Variants in ZER1 observed in about 807,000 individuals in gnomAD.
The protein encoded by ZER1 is protein zer-1 homolog.
ZER1 carries 11 observed loss-of-function variants against 78.8 expected under a neutral mutation model. The ratio of observed to expected loss-of-function variants is 0.14; its 90% CI spans 0.09 to 0.23. The LOEUF (loss-of-function observed/expected upper bound fraction) is 0.23. Among genes scored for constraint, ZER1 ranks in the 10% least tolerant of loss-of-function variants. The pLI is 1.00. For synonymous variants in ZER1, 400 were observed against 407.0 expected, an observed-to-expected ratio of 0.98 and a Z score of 0.21; for missense variants, 588 against 996.9, an observed-to-expected ratio of 0.59 and a Z score of 5.52.
At chr9:128,744,614 G>A (rs557017561) in intron 8 of ZER1, among the ~76,000 whole-genome samples, 3 of 151,944 alleles carry the variant, frequency 2.0e-5, no homozygotes, top group Non-Finnish European at 2.9e-5. Context: ...AAGTAGCTGC[G>A]ATTACAGGCT....
intron 4 of ZER1, 45 bp from the exon 5 acceptor site, chr9:128,752,894 G>T: frequency 1.3e-6 from 2 of 1,580,908 alleles, no homozygotes; most frequent in East Asian, 4.5e-5. Context: ...TGGGTACAGG[G>T]TGGGGCTGCC....
At chr9:128,764,611 G>C (rs1158147562) in intron 1 of ZER1, among the ~76,000 whole-genome samples, 1 of 152,200 alleles carries the variant, frequency 6.6e-6, no homozygotes, top group Non-Finnish European at 1.5e-5. Context: ...GGAAGAGGAA[G>C]CAGCCATCTT....
At chr9:128,763,060 G>A (rs1168490888) in intron 1 of ZER1, among the ~76,000 whole-genome samples, 1 of 152,156 alleles carries the variant, frequency 6.6e-6, no homozygotes, top group Non-Finnish European at 1.5e-5. Context: ...CTCGGCACAG[G>A]TCACCTTCAG....
intron 13 of ZER1, 43 bp downstream of exon 13, chr9:128,739,888 C>A: frequency 1.3e-6 from 2 of 1,579,308 alleles, no homozygotes; most frequent in South Asian, 1.1e-5. Context: ...CAGCACTTAC[C>A]CCATATTCCA....
At chr9:128,747,525 G>A (rs1284527594) in intron 8 of ZER1, among the ~76,000 whole-genome samples, 2 of 152,190 alleles carry the variant, frequency 1.3e-5, no homozygotes, top group Non-Finnish European at 1.5e-5. Context: ...AGGAGGAGAG[G>A]TGAGATTGTA....
chr9:128,769,574 C>T (rs944255197), intron 1 of ZER1, among the ~76,000 whole-genome samples: 15 of 152,080 alleles, frequency 9.9e-5, no homozygotes, highest in East Asian at 3.9e-4. Flanking sequence ...TCACCACACC[C>T]GGCTAATTTT....
chr9:128,755,812 C>T lies in ZER1; in HGVS notation c.-94-153G>A, dbSNP rs932760848. On this transcript the variant is annotated intron_variant, in intron 1 of 15. Transcript: ENST00000291900. This position sits in a 1 kb window ranked among gnomAD's most constrained non-coding sequence, Gnocchi z 5.6. Reference sequence around the variant, plus strand: ...AGGTCTCCTGACTCCTTCTTTCACCCGCCTCTGCTGTGCCACTATCTATGC... The same window carrying T: ...AGGTCTCCTGACTCCTTCTTTCACCTGCCTCTGCTGTGCCACTATCTATGC... Among the ~76,000 whole-genome samples the T allele has an allele frequency of 5.3e-5, 8 of 152,246 alleles. No homozygotes were observed. Among genetic ancestry groups the T allele is most frequent in the Admixed American group, 2.6e-4 (4 of 15,278 alleles).
chr9:128,757,031 G>C (rs1285496898), intron 1 of ZER1, among the ~76,000 whole-genome samples: 2 of 152,120 alleles, frequency 1.3e-5, no homozygotes, highest in East Asian at 3.8e-4. Context: ...CCAAAGCAAA[G>C]AAACTTCTGT....
At chr9:128,761,605 T>TG in intron 1 of ZER1, among the ~76,000 whole-genome samples, 1 of 137,198 alleles carries the variant, frequency 7.3e-6, no homozygotes, top group East Asian at 2.2e-4. Flanking sequence ...CATAATTTGT[T>TG]TTTTTTTTTT....
chr9:128,735,562 G>T, intron 13 of ZER1, 131 bp from the exon 14 acceptor site: 1 of 849,480 alleles, frequency 1.2e-6, no homozygotes, highest in South Asian at 1.7e-5. Flanking sequence ...CCAGGGAGAA[G>T]GGACAGCTGG....
chr9:128,755,657 T>C lies in ZER1; in HGVS notation c.-92A>G. On this transcript the variant is annotated splice_region_variant and 5_prime_UTR_variant, in exon 2 of 16. Transcript: ENST00000291900. This position sits in a 1 kb window ranked among gnomAD's most constrained non-coding sequence, Gnocchi z 5.6. ...CTCACAGGATCATTGGCAGAGCCAC[T>C]GCCTGGGGAGTGGACAAGATGCCAA... The C allele has an allele frequency of 2.0e-6, 3 of 1,519,138 alleles. No individual in the cohort carries two copies. The highest frequency in any genetic ancestry group is 4.7e-5 in the East Asian group (2 of 42,574). 94.1% of individuals were successfully genotyped at this position (1,519,138 alleles called of 1,614,324 possible).
In ZER1 at chr9:128,731,929, G is replaced by A. The variant is rs74861395; in HGVS notation, c.2244-535C>T. 1.6e-3 allele frequency among the ~76,000 whole-genome samples: 248 copies of A among 152,316 alleles called. 1 individual carries two copies. Among genetic ancestry groups the A allele is most frequent in the African/African-American group, 5.6e-3 (231 of 41,580 alleles). On this transcript the variant is annotated intron_variant, in intron 15 of 15. Coordinates refer to ENST00000291900, the MANE Select transcript of ZER1 (RefSeq NM_006336.4). ...GGCTCAGCACTCCAGCTCAGATTTC[G>A]AGTCTCGCCCGCCCCAGCCTGACCC...
intron 13 of ZER1, among the ~76,000 whole-genome samples, chr9:128,739,562 C>T (rs1457049784): frequency 6.6e-6 from 1 of 151,888 alleles, no homozygotes; most frequent in Admixed American, 6.6e-5. Context: ...CCTGTCTCAG[C>T]TTCCCAAAGT....
chr9:128,741,784 TG>T lies in ZER1; in HGVS notation c.1617+15del. 1 of 1,614,162 alleles carries T rather than the reference TG, an allele frequency of 6.2e-7. No homozygotes were observed. The highest frequency in any genetic ancestry group is 8.5e-7 in the Non-Finnish European group (1 of 1,180,028). Reference sequence around the variant, plus strand: ...GTGGGGAAAGGGTAGCGTGGCTTCGTGAAGACTTGACTTACTGTCTTGTCCA... The same window carrying T: ...GTGGGGAAAGGGTAGCGTGGCTTCGTAAGACTTGACTTACTGTCTTGTCCA... On this transcript the variant is annotated intron_variant, in intron 10 of 15. Transcript: ENST00000291900.
chr9:128,766,845 CAA>C (rs1176953959), intron 1 of ZER1, among the ~76,000 whole-genome samples: 1 of 49,652 alleles, frequency 2.0e-5, no homozygotes, highest in African/African-American at 9.2e-5. Context: ...GATTCCGTCT[CAA>C]AAAAAAAAAA....
At chr9:128,756,876 T>C (rs1863876187) in intron 1 of ZER1, among the ~76,000 whole-genome samples, 1 of 152,204 alleles carries the variant, frequency 6.6e-6, no homozygotes, top group East Asian at 1.9e-4. Context: ...TTGTGTGACA[T>C]GTGAATTATA....
rs1452392954 is a variant in ZER1 at position 128,751,543 on chromosome 9, G to T, written c.924-16C>A. 3 of 1,608,430 alleles carry T rather than the reference G, an allele frequency of 1.9e-6. No homozygotes were observed. Among genetic ancestry groups the T allele is most frequent in the South Asian group, 2.2e-5 (2 of 91,032 alleles). On this transcript the variant is annotated splice_polypyrimidine_tract_variant and intron_variant, in intron 5 of 15. Transcript: ENST00000291900. The surrounding 1 kb of genome is among the most constrained non-coding windows in gnomAD (Gnocchi z 5.4). Reference sequence around the variant, plus strand: ...AGGCTCAATGCTGGGGAAAGAGGGTGCCGGTGTCAGTGGCTTGGGACCCAG... The same window carrying T: ...AGGCTCAATGCTGGGGAAAGAGGGTTCCGGTGTCAGTGGCTTGGGACCCAG...
Position 128,749,698 on chromosome 9 carries a change from C to T in ZER1, c.1359+918G>A, listed in dbSNP as rs986560681. ...GCTGAGGCAGGAGAATCACTTGAACCCGCCACTGCTCTCCAGCTTGGGCAA... is the reference window on the plus strand; with the variant it reads ...GCTGAGGCAGGAGAATCACTTGAACTCGCCACTGCTCTCCAGCTTGGGCAA... On this transcript the variant is annotated intron_variant, in intron 8 of 15. Transcript: ENST00000291900. Among the ~76,000 whole-genome samples, 4 of 151,732 alleles carry T rather than the reference C, an allele frequency of 2.6e-5. No homozygotes were observed. In the East Asian group the frequency reaches 5.8e-4, roughly 22 times the overall value.
intron 4 of ZER1, 86 bp from the exon 5 acceptor site, chr9:128,752,935 A>AG: frequency 6.7e-7 from 1 of 1,488,740 alleles, no homozygotes; most frequent in Non-Finnish European, 9.0e-7. Flanking sequence ...AGTCTGTAGC[A>AG]GGGGAGGGCC....
Sources: gnomAD v4.1 joint callset for allele counts (sites outside exome capture counted in the v4.1 genomes callset) on GRCh38, gnomAD v4.1.1 for gene constraint, Gnocchi (gnomAD v3.1) non-coding constraint, MANE v1.5 for transcripts, NCBI Gene and HGNC (gene_info 2026-07-23, HGNC 2026-07-21) for gene names.